The following UBE2O variants were observed in gnomAD, a reference collection of about 807,000 sequenced individuals.
The protein encoded by UBE2O is (E3-independent) E2 ubiquitin-conjugating enzyme.
A neutral mutation model predicts 125.8 loss-of-function variants in UBE2O; 15 were observed. The ratio of observed to expected loss-of-function variants is 0.12; its 90% confidence interval spans 0.08 to 0.18. The LOEUF (loss-of-function observed/expected upper bound fraction) is 0.18. Among genes scored for constraint, UBE2O ranks in the 10% least tolerant of loss-of-function variants. UBE2O has a pLI of 1.00. For synonymous variants in UBE2O, 708 were observed against 703.2 expected (o/e 1.01, Z -0.11); for missense variants, 1,280 against 1,723.6 (o/e 0.74, Z 4.56).
At position 76,405,446 on chromosome 17, in the gene UBE2O, G is replaced by T. The variant is rs2072399255; in HGVS notation, c.477+67C>A. ...TTCTCCCACATGCAGAGTGCGAGGT[G>T]GGCAGGCTCAAGTCCCTAAGGTGGC... On this transcript the variant is annotated intron_variant, in intron 2 of 17. Coordinates refer to ENST00000319380, the MANE Select transcript of UBE2O (RefSeq NM_022066.4). This position sits in a 1 kb window ranked among gnomAD's most constrained non-coding sequence, Gnocchi z 6.1. 3 of 1,538,418 alleles carry T rather than the reference G, an allele frequency of 2.0e-6. No homozygotes were observed. Among genetic ancestry groups the T allele is most frequent in the African/African-American group, 1.4e-5 (1 of 73,746 alleles).
chr17:76,449,896 G>C (rs945732676), intron 1 of UBE2O, among the ~76,000 whole-genome samples: 2 of 152,052 alleles, frequency 1.3e-5, no homozygotes, highest in Non-Finnish European at 2.9e-5. Context: ...CTCCAGCCTG[G>C]GCAACAAGAG....
rs2072193371 is a variant in UBE2O at position 76,395,593 on chromosome 17, A to G, written c.2946+132T>C. On this transcript the variant is annotated intron_variant, in intron 15 of 17. Transcript: ENST00000319380. This position sits in a 1 kb window ranked among gnomAD's most constrained non-coding sequence, Gnocchi z 5.0. ...TGACTGAGCCTGTGACCGCCCCTGT[A>G]AAAGGTGGGTGGGTGAGTGTCCTCG... is the stretch of plus-strand genomic sequence containing the variant. 2.7e-6 allele frequency: 3 copies of G among 1,111,112 alleles called. No homozygotes were observed. The highest frequency in any genetic ancestry group is 3.8e-6 in the Non-Finnish European group (3 of 781,366). 68.8% of individuals were successfully genotyped at this position (1,111,112 alleles called of 1,614,324 possible). A position where few individuals can be genotyped will look rare whatever the true frequency, so the allele number is the denominator to read the frequency against.
chr17:76,396,064 G>A lies in UBE2O; in HGVS notation c.2809+64C>T. On this transcript the variant is annotated intron_variant, in intron 14 of 17. Coordinates refer to ENST00000319380, the MANE Select transcript of UBE2O (RefSeq NM_022066.4). The surrounding 1 kb of genome is among the most constrained non-coding windows in gnomAD (Gnocchi z 6.7). The stretch of plus-strand genomic sequence containing the variant: ...GACTAACCACCCTGCACCCAGATCT[G>A]GTGACACAAACAGGAGCCCCGAGAA... 2 of 1,563,726 alleles carry A rather than the reference G, an allele frequency of 1.3e-6. No individual in the cohort carries two copies.
intron 1 of UBE2O, among the ~76,000 whole-genome samples, chr17:76,408,433 A>G (rs908775993): frequency 2.6e-5 from 4 of 152,202 alleles, no homozygotes; most frequent in African/African-American, 9.7e-5. Context: ...AACTCATTCA[A>G]TGTCACAAGT....
intron 1 of UBE2O, among the ~76,000 whole-genome samples, chr17:76,448,003 A>G (rs1174266553): frequency 6.6e-6 from 1 of 152,164 alleles, no homozygotes; most frequent in East Asian, 1.9e-4. Flanking sequence ...CTCTTATTTC[A>G]TTGCAGAGGG....
chr17:76,424,870 A>ATT (rs1182766923), intron 1 of UBE2O, among the ~76,000 whole-genome samples: 1 of 134,918 alleles, frequency 7.4e-6, no homozygotes, highest in Admixed American at 7.3e-5. Flanking sequence ...TTTATTTTTT[A>ATT]TTTTTTTTTT....
intron 1 of UBE2O, among the ~76,000 whole-genome samples, chr17:76,412,959 G>GATTGCGCC (rs1419567210): frequency 6.6e-6 from 1 of 152,198 alleles, no homozygotes; most frequent in African/African-American, 2.4e-5. Flanking sequence ...AGTGAGCCGA[G>GATTGCGCC]ATTGCGCCAT....
rs541308374 is a variant in UBE2O, at chr17:76,396,920, C to T, written c.2116-99G>A. The T allele has an allele frequency of 9.9e-6, 11 of 1,113,696 alleles. No homozygotes were observed. Among genetic ancestry groups the T allele is most frequent in the South Asian group, 3.1e-5 (2 of 64,312 alleles). 69.0% of individuals were successfully genotyped at this position (1,113,696 alleles called of 1,614,324 possible). The stretch of plus-strand genomic sequence containing the variant: ...GATCCCTGATCCGCACAGCTGATGG[C>T]GACTGGGCTCATGAGGCCTTGGCAA... On this transcript the variant is annotated intron_variant, in intron 13 of 17. Transcript: ENST00000319380. This position sits in a 1 kb window ranked among gnomAD's most constrained non-coding sequence, Gnocchi z 6.7.
In UBE2O at chr17:76,392,311, CTTTT is replaced by C. The variant is rs959019664; in HGVS notation, c.2947-202_2947-199del. 4.7e-5 allele frequency among the ~76,000 whole-genome samples: 7 copies of C among 149,578 alleles called. No homozygotes were observed. In the East Asian group the frequency reaches 1.4e-3, roughly 29 times the overall value. ...CTCTCTCTGCAGAACAGCCTGGAAT[CTTTT>C]TTTTTTGAGACAGGGTCTTGCTGTG... On this transcript the variant is annotated intron_variant, in intron 15 of 17. Coordinates refer to ENST00000319380, the MANE Select transcript of UBE2O (RefSeq NM_022066.4).
chr17:76,416,316 T>C (rs965599732), intron 1 of UBE2O, among the ~76,000 whole-genome samples: 1 of 152,112 alleles, frequency 6.6e-6, no homozygotes, highest in Non-Finnish European at 1.5e-5. Flanking sequence ...CTGAGCTTGC[T>C]GGAAACGCAG....
chr17:76,429,614 A>G (rs937402674), intron 1 of UBE2O, among the ~76,000 whole-genome samples: 3 of 152,058 alleles, frequency 2.0e-5, no homozygotes, highest in African/African-American at 7.2e-5. Context: ...TGTGAACATA[A>G]GCAAGGCTCT....
intron 1 of UBE2O, among the ~76,000 whole-genome samples, chr17:76,423,402 TA>T (rs2072741067): frequency 7.1e-6 from 1 of 141,684 alleles, no homozygotes. Context: ...ACAGTAAAAA[TA>T]AAAATGAGGG....
intron 1 of UBE2O, among the ~76,000 whole-genome samples, chr17:76,420,889 T>C (rs2072700274): frequency 6.6e-6 from 1 of 152,070 alleles, no homozygotes. Flanking sequence ...CTCACCCCCC[T>C]AGACTTCCAA....
Position 76,399,049 on chromosome 17 carries a change from CAG to C in UBE2O, c.1629-60_1629-59del, listed in dbSNP as rs1052347308. ...AACCCCACCCCCTCCGCGGAAAGGG[CAG>C]AGAGTCTTTCTGTCCCTTCCTGTCC... On this transcript the variant is annotated intron_variant, in intron 9 of 17. Transcript: ENST00000319380. The surrounding 1 kb of genome is among the most constrained non-coding windows in gnomAD (Gnocchi z 6.9). 3.1e-5 allele frequency: 49 copies of C among 1,586,116 alleles called. No homozygotes were observed. Among genetic ancestry groups the C allele is most frequent in the Non-Finnish European group, 4.0e-5 (47 of 1,167,478 alleles).
intron 13 of UBE2O, among the ~76,000 whole-genome samples, chr17:76,397,518 C>T (rs2072234731): frequency 2.0e-5 from 3 of 152,214 alleles, no homozygotes; most frequent in Non-Finnish European, 4.4e-5. Context: ...TTGCATTCTT[C>T]GTAGCATAGT....
chr17:76,399,354 T>C lies in UBE2O; in HGVS notation c.1628+95A>G. 4 of 1,232,692 alleles carry C rather than the reference T, an allele frequency of 3.2e-6. No homozygotes were observed. Among genetic ancestry groups the C allele is most frequent in the East Asian group, 2.3e-5 (1 of 42,982 alleles). The allele number at this position is 1,232,692 out of a possible 1,614,324, so 76.4% of individuals were successfully genotyped here. A position where few individuals can be genotyped will look rare whatever the true frequency, so the allele number is the denominator to read the frequency against. On this transcript the variant is annotated intron_variant, in intron 9 of 17. Coordinates refer to ENST00000319380, the MANE Select transcript of UBE2O (RefSeq NM_022066.4). This position sits in a 1 kb window ranked among gnomAD's most constrained non-coding sequence, Gnocchi z 6.9. The stretch of plus-strand genomic sequence containing the variant: ...GGAGCCACTACAAGGCATGCAGAGG[T>C]GTGTGTGCGAGCGCAGGCACGCACA...
Position 76,452,557 on chromosome 17 carries a change from C to G in UBE2O, c.417+168G>C, listed in dbSNP as rs1359616185. ...GCCTGGCTGGCGTGTGCGCCCAGAG[C>G]TGCTGCAATGACTTTGCATGGAGTG... On this transcript the variant is annotated intron_variant, in intron 1 of 17. Coordinates refer to ENST00000319380, the MANE Select transcript of UBE2O (RefSeq NM_022066.4). The surrounding 1 kb of genome is among the most constrained non-coding windows in gnomAD (Gnocchi z 4.4). 1.3e-5 allele frequency among the ~76,000 whole-genome samples: 2 copies of G among 152,246 alleles called. No individual in the cohort carries two copies. The highest frequency in any genetic ancestry group is 2.4e-5 in the African/African-American group (1 of 41,474).
chr17:76,399,125 G>A lies in UBE2O; in HGVS notation c.1629-134C>T. The A allele has an allele frequency of 1.7e-6, 2 of 1,210,842 alleles. No individual in the cohort carries two copies. Among genetic ancestry groups the A allele is most frequent in the South Asian group, 1.5e-5 (1 of 66,746 alleles). 75.0% of individuals were successfully genotyped at this position (1,210,842 alleles called of 1,614,324 possible). A position where few individuals can be genotyped will look rare whatever the true frequency, so the allele number is the denominator to read the frequency against. On this transcript the variant is annotated intron_variant, in intron 9 of 17. Coordinates refer to ENST00000319380, the MANE Select transcript of UBE2O (RefSeq NM_022066.4). This position sits in a 1 kb window ranked among gnomAD's most constrained non-coding sequence, Gnocchi z 6.9. ...TCTGAATCCCAGGTTGGCAGGATGA[G>A]TCTCTGGTGCACAGGAAGCTCACCC...
intron 1 of UBE2O, among the ~76,000 whole-genome samples, chr17:76,435,417 T>TACAC (rs59781051): frequency 0.012 from 1,190 of 96,408 alleles, 10 homozygotes; most frequent in African/African-American, 0.02. Context: ...CACACACACA[T>TACAC]ACACACACAC....
Sources: allele counts gnomAD v4.1 joint callset (sites outside exome capture counted in the v4.1 genomes callset), GRCh38; gene constraint gnomAD v4.1.1; non-coding constraint Gnocchi (gnomAD v3.1); transcripts MANE v1.5; gene names NCBI Gene and HGNC (gene_info 2026-07-23, HGNC 2026-07-21).